DMD: variants seen among roughly 807,000 people sequenced by gnomAD.
The protein encoded by DMD is dystrophin.
Under a neutral mutation model 330.1 loss-of-function variants are expected in DMD, and 63 were observed. The ratio of observed to expected loss-of-function variants is 0.19; its 90% CI spans 0.16 to 0.24. DMD has a LOEUF of 0.24. DMD is among the 10% of genes least tolerant of loss of function. The probability of loss-of-function intolerance (pLI) is 1.00; values close to 1 mark genes in which losing one functional copy is unlikely to be tolerated. For synonymous variants in DMD, 1,223 were observed against 959.8 expected, an observed-to-expected ratio of 1.27 and a Z score of -5.07; for missense variants, 3,344 against 2,684.1, an observed-to-expected ratio of 1.25 and a Z score of -5.43.
intron 62 of DMD, among the ~76,000 whole-genome samples, chrX:31,283,155 A>G (rs2147901023): frequency 8.9e-6 from 1 of 111,884 alleles, no homozygotes; most frequent in African/African-American, 3.2e-5. Flanking sequence ...CATTTTTAAC[A>G]TAAAAATTAA....
At chrX:32,377,004 C>T (rs2097905909) in intron 34 of DMD, among the ~76,000 whole-genome samples, 1 of 111,503 alleles carries the variant, frequency 9.0e-6, no homozygotes, top group African/African-American at 3.3e-5. Context: ...CACATGAAGA[C>T]TTTATGAAAT....
intron 1 of DMD, among the ~76,000 whole-genome samples, chrX:33,064,203 C>A (rs1221221134): frequency 9.0e-6 from 1 of 111,218 alleles, no homozygotes; most frequent in African/African-American, 3.3e-5. Context: ...TTTTATTATA[C>A]TTTTTATACA....
chrX:31,123,145 T>C (rs2033048105), intron 78 of DMD, among the ~76,000 whole-genome samples: 1 of 111,849 alleles, frequency 8.9e-6, no homozygotes, highest in African/African-American at 3.2e-5. Context: ...TTTCAAGAGA[T>C]ATAGCTTCTC....
At position 32,474,126 on chromosome X, in the gene DMD, A is replaced by G. The variant is rs1251905081; in HGVS notation, c.2804-1817T>C. 2.7e-5 allele frequency among the ~76,000 whole-genome samples: 3 copies of G among 110,520 alleles called. No homozygotes were observed. The Admixed American group carries it at 2.9e-4, about 11-fold the overall frequency. Reference sequence around the variant, plus strand: ...ACTTCACTTAGAATAATAGTCTCCAATCTCATTCAGGTCACTGCAAATGCT... The same window carrying G: ...ACTTCACTTAGAATAATAGTCTCCAGTCTCATTCAGGTCACTGCAAATGCT... On this transcript the variant is annotated intron_variant, in intron 21 of 78. Transcript: ENST00000357033.
chrX:32,283,853 C>A (rs992755288), intron 43 of DMD, among the ~76,000 whole-genome samples: 3 of 111,545 alleles, frequency 2.7e-5, no homozygotes, highest in African/African-American at 9.8e-5. Flanking sequence ...CGACTAACTG[C>A]CCCTTTACAG....
chrX:32,103,837 A>T (rs908937834), intron 44 of DMD, among the ~76,000 whole-genome samples: 1 of 111,946 alleles, frequency 8.9e-6, no homozygotes, highest in African/African-American at 3.2e-5. Context: ...CACAGTGCAC[A>T]ATCTTATATA....
intron 67 of DMD, among the ~76,000 whole-genome samples, chrX:31,197,088 A>G (rs2042978884): frequency 9.0e-6 from 1 of 111,460 alleles, no homozygotes; most frequent in African/African-American, 3.3e-5. Context: ...CCTTCTATGT[A>G]TCCACTACAG....
At chrX:32,886,314 G>A (rs1043923781) in intron 2 of DMD, among the ~76,000 whole-genome samples, 5 of 109,442 alleles carry the variant, frequency 4.6e-5, no homozygotes, top group African/African-American at 1.7e-4. Flanking sequence ...GGTGGGCAGT[G>A]TAAACTGGTA....
intron 44 of DMD, among the ~76,000 whole-genome samples, chrX:32,203,025 G>A (rs1464801191): frequency 9.0e-6 from 1 of 111,542 alleles, no homozygotes; most frequent in East Asian, 2.8e-4. Flanking sequence ...TCTGTGTACC[G>A]TGTAATGTCC....
At chrX:32,433,278 G>C (rs1233249306) in intron 29 of DMD, among the ~76,000 whole-genome samples, 1 of 112,010 alleles carries the variant, frequency 8.9e-6, no homozygotes, top group Non-Finnish European at 1.9e-5. Flanking sequence ...GTAGCCAAAT[G>C]GTCACGTGCC....
intron 27 of DMD, among the ~76,000 whole-genome samples, chrX:32,447,085 A>T (rs2098308604): frequency 9.0e-6 from 1 of 110,997 alleles, no homozygotes; most frequent in Non-Finnish European, 1.9e-5. Context: ...GGGAACAATG[A>T]TGCTTATTTA....
chrX:33,280,894 A>G (rs892426308), intron 1 of DMD, among the ~76,000 whole-genome samples: 17 of 111,626 alleles, frequency 1.5e-4, no homozygotes, highest in African/African-American at 5.2e-4. Context: ...TTCCTTATTC[A>G]ATAGTTTTGG....
rs182761135 is a variant in DMD, at chrX:31,774,132, G to A, written c.7370C>T (p.Ser2457Phe). The change falls in exon 51 of 79, where the codon TCC becomes TTC. Residue 2457 changes from serine to phenylalanine, a missense_variant. Ser to Phe is a radical substitution (Grantham distance 155). Coordinates refer to ENST00000357033, the MANE Select transcript of DMD (RefSeq NM_004006.3). ...CAAGGAAGATGGCATTTCTAGTTTG[G>A]AGATGGCAGTTTCCTTAGTAACCAC... The part of the protein sequence containing the change: ...QPVVTKETAI[S>F]KLEMPSSLML... The A allele has an allele frequency of 8.3e-6, 10 of 1,211,000 alleles. No individual in the cohort carries two copies. The East Asian group carries it at 3.0e-4, about 36-fold the overall frequency.
chrX:31,412,948 C>T (rs1482713724), intron 60 of DMD, among the ~76,000 whole-genome samples: 1 of 111,709 alleles, frequency 9.0e-6, no homozygotes, highest in Admixed American at 9.5e-5. Context: ...ACCCACCCTC[C>T]CCAGATGCAT....
intron 37 of DMD, among the ~76,000 whole-genome samples, chrX:32,349,381 T>G (rs1188968760): frequency 3.6e-5 from 4 of 111,604 alleles, no homozygotes; most frequent in African/African-American, 1.3e-4. Flanking sequence ...ATTAAAACAC[T>G]AGAACATATT....
chrX:32,917,811 G>C (rs2087975357), intron 2 of DMD, among the ~76,000 whole-genome samples: 1 of 111,059 alleles, frequency 9.0e-6, no homozygotes, highest in Non-Finnish European at 1.9e-5. Flanking sequence ...GCACATCTTT[G>C]TCAGTTCCCA....
In DMD at chrX:32,458,990, G is replaced by A. The variant is rs143277363; in HGVS notation, c.3433-4158C>T. 5.6e-3 allele frequency among the ~76,000 whole-genome samples: 623 copies of A among 110,805 alleles called. 4 individuals carry two copies. The highest frequency in any genetic ancestry group is 0.019 in the African/African-American group (577 of 30,573). ...TCACAGAACTAGAGAGTAGAATAGT[G>A]GTTTCCAAAGGCTGAGAGAGGGGAA... On this transcript the variant is annotated intron_variant, in intron 25 of 78. Transcript: ENST00000357033.
intron 67 of DMD, among the ~76,000 whole-genome samples, chrX:31,187,717 C>CGAG (rs2041912423): frequency 1.5e-5 from 1 of 66,857 alleles, no homozygotes; most frequent in Non-Finnish European, 2.8e-5. Flanking sequence ...CCCAGATTCT[C>CGAG]AGAGAGAGAG....
chrX:31,450,132 C>T (rs2065615369), intron 59 of DMD, among the ~76,000 whole-genome samples: 1 of 111,004 alleles, frequency 9.0e-6, no homozygotes, highest in Non-Finnish European at 1.9e-5. Context: ...AGAGGAGGTG[C>T]TAGGAAAGAA....
Sources: allele counts gnomAD v4.1 joint callset (sites outside exome capture counted in the v4.1 genomes callset), GRCh38; gene constraint gnomAD v4.1.1; transcripts MANE v1.5; gene names NCBI Gene and HGNC (gene_info 2026-07-23, HGNC 2026-07-21).